Variants in HDAC9 observed in about 807,000 individuals in gnomAD.
HDAC9 encodes histone deacetylase 9.
A neutral mutation model predicts 139.4 loss-of-function variants in HDAC9; 41 were observed. The ratio of observed to expected loss-of-function variants is 0.29; its 90% CI spans 0.23 to 0.38. HDAC9 has a LOEUF of 0.38. HDAC9 is among the 10% of genes least tolerant of loss of function. The probability of loss-of-function intolerance (pLI) is 1.00; values close to 1 mark genes in which losing one functional copy is unlikely to be tolerated. For synonymous variants in HDAC9, 517 were observed against 476.2 expected, an observed-to-expected ratio of 1.09 and a Z score of -1.12; for missense variants, 1,147 against 1,297.0, an observed-to-expected ratio of 0.88 and a Z score of 1.78.
chr7:18,764,560 G>A (rs1053900522), intron 15 of HDAC9, among the ~76,000 whole-genome samples: 2 of 151,996 alleles, frequency 1.3e-5, no homozygotes, highest in Non-Finnish European at 2.9e-5. Context: ...CTTTTTAAAG[G>A]TTAACTTTTA....
At chr7:18,786,093 T>G (rs1372982226) in intron 16 of HDAC9, among the ~76,000 whole-genome samples, 1 of 152,164 alleles carries the variant, frequency 6.6e-6, no homozygotes, top group Non-Finnish European at 1.5e-5. Flanking sequence ...TCTCTATGTA[T>G]TTTCTGAATT....
chr7:18,738,025 G>C (rs1787087383), intron 13 of HDAC9, among the ~76,000 whole-genome samples: 1 of 152,122 alleles, frequency 6.6e-6, no homozygotes, highest in Admixed American at 6.6e-5. Context: ...GGTGTTCTTT[G>C]TCTCTTTTGA....
intron 3 of HDAC9, among the ~76,000 whole-genome samples, chr7:18,586,388 A>G (rs1829474136): frequency 6.6e-6 from 1 of 152,090 alleles, no homozygotes; most frequent in South Asian, 2.1e-4. Context: ...ATTTACAACA[A>G]AAATTTTATT....
At chr7:18,894,483 A>T (rs1270811666) in intron 22 of HDAC9, among the ~76,000 whole-genome samples, 1 of 152,100 alleles carries the variant, frequency 6.6e-6, no homozygotes, top group African/African-American at 2.4e-5. Flanking sequence ...TAAGATAAAA[A>T]CTGACCACTA....
chr7:18,280,039 T>G (rs968890296), intron 2 of HDAC9, among the ~76,000 whole-genome samples: 6 of 152,196 alleles, frequency 3.9e-5, no homozygotes, highest in Non-Finnish European at 8.8e-5. Context: ...GAAAATATAC[T>G]TATCCATTTA....
At chr7:18,870,118 C>G (rs1290330987) in intron 21 of HDAC9, among the ~76,000 whole-genome samples, 1 of 152,128 alleles carries the variant, frequency 6.6e-6, no homozygotes, top group Non-Finnish European at 1.5e-5. Flanking sequence ...ATATTAAAAA[C>G]TTACCTAATC....
At chr7:18,264,950 T>A (rs80009276) in intron 2 of HDAC9, among the ~76,000 whole-genome samples, 4 of 152,190 alleles carry the variant, frequency 2.6e-5, no homozygotes, top group Admixed American at 2.0e-4. Flanking sequence ...TGTTTTATTA[T>A]AGGCTTTAGT....
chr7:18,822,346 GT>G lies in HDAC9; in HGVS notation c.2323-6812del, dbSNP rs148899840. Among the ~76,000 whole-genome samples, 206 of 99,274 alleles carry G rather than the reference GT, an allele frequency of 2.1e-3. 1 individual carries two copies. The South Asian group carries it at 0.085, about 41-fold the overall frequency. The allele number at this position is 99,274 out of a possible 152,430, so 65.1% of individuals were successfully genotyped here. A position where few individuals can be genotyped will look rare whatever the true frequency, so the allele number is the denominator to read the frequency against. On this transcript the variant is annotated intron_variant, in intron 17 of 25. Transcript: ENST00000686413. ...GGGTTTGGTTTTTGTTTGTTTGTTTGTTTGTTGTTGTTGTTGTTGTTGTTTG... is the reference window on the plus strand; with the variant it reads ...GGGTTTGGTTTTTGTTTGTTTGTTTGTTGTTGTTGTTGTTGTTGTTGTTTG...
intron 1 of HDAC9, among the ~76,000 whole-genome samples, chr7:18,089,300 T>C (rs1781998871): frequency 6.6e-6 from 1 of 152,182 alleles, no homozygotes; most frequent in African/African-American, 2.4e-5. Flanking sequence ...ACCAGCACTC[T>C]GACTAGAGAG....
intron 10 of HDAC9, 66 bp downstream of exon 10, chr7:18,648,064 T>A: frequency 7.9e-7 from 1 of 1,272,450 alleles, no homozygotes; most frequent in South Asian, 1.4e-5. Flanking sequence ...TCCAGGATAA[T>A]GTCTCTTTTA....
chr7:18,613,449 G>T (rs186283790), intron 6 of HDAC9, among the ~76,000 whole-genome samples: 1 of 152,176 alleles, frequency 6.6e-6, no homozygotes, highest in East Asian at 1.9e-4. Context: ...GGAGCTCAGA[G>T]TCTGGTTCTA....
intron 6 of HDAC9, among the ~76,000 whole-genome samples, chr7:18,603,548 T>C (rs1467166785): frequency 1.3e-5 from 2 of 152,106 alleles, no homozygotes; most frequent in Non-Finnish European, 2.9e-5. Context: ...TATACCACTT[T>C]ACAGGTCATA....
rs1034808069 is a variant in HDAC9 at position 18,762,289 on chromosome 7, C to A, written c.2164+12C>A. The A allele has an allele frequency of 3.1e-6, 5 of 1,612,946 alleles. No homozygotes were observed. The African/African-American group carries it at 6.7e-5, about 22-fold the overall frequency. ...CAGGATACTCCTAGGTCTGTACGGG[C>A]CTCCACTGTACTGGGAACAGCACAT... On this transcript the variant is annotated intron_variant, in intron 15 of 25. Transcript: ENST00000686413.
intron 2 of HDAC9, among the ~76,000 whole-genome samples, chr7:18,217,446 G>A (rs1036473546): frequency 4.0e-5 from 6 of 151,690 alleles, no homozygotes; most frequent in Non-Finnish European, 8.8e-5. Flanking sequence ...GATATAGTTT[G>A]TTCACTTTTT....
At chr7:18,261,812 C>T (rs895200407) in intron 2 of HDAC9, among the ~76,000 whole-genome samples, 3 of 152,104 alleles carry the variant, frequency 2.0e-5, no homozygotes, top group Non-Finnish European at 1.5e-5. Flanking sequence ...AATAAATGGG[C>T]AAGGACACTT....
chr7:18,399,385 G>A (rs531390628), intron 1 of HDAC9, among the ~76,000 whole-genome samples: 4 of 152,190 alleles, frequency 2.6e-5, no homozygotes, highest in Non-Finnish European at 4.4e-5. Context: ...GTACAGTAAC[G>A]AAAAATTCTG....
At chr7:18,380,238 T>A (rs1785313057) in intron 1 of HDAC9, among the ~76,000 whole-genome samples, 1 of 152,150 alleles carries the variant, frequency 6.6e-6, no homozygotes, top group Admixed American at 6.5e-5. Context: ...AATTGATATA[T>A]AGTAAATAGG....
intron 22 of HDAC9, among the ~76,000 whole-genome samples, chr7:18,883,600 TAA>T (rs941662660): frequency 4.6e-5 from 7 of 151,852 alleles, no homozygotes; most frequent in Non-Finnish European, 8.8e-5. Flanking sequence ...GGTGAAAAAA[TAA>T]AAGTTTTTTT....
chr7:18,704,161 C>T lies in HDAC9; in HGVS notation c.1732-23419C>T, dbSNP rs559671633. On this transcript the variant is annotated intron_variant, in intron 12 of 25. Transcript: ENST00000686413. Reference sequence around the variant, plus strand: ...ATCAGGACCCAGTGGCACCCAGGCACTCTGGCCTGCCTGCAAAACATAGCC... The same window carrying T: ...ATCAGGACCCAGTGGCACCCAGGCATTCTGGCCTGCCTGCAAAACATAGCC... Among the ~76,000 whole-genome samples the T allele has an allele frequency of 4.1e-4, 62 of 152,356 alleles. 1 individual carries two copies. The South Asian group carries it at 7.5e-3, about 18-fold the overall frequency.
Sources: allele counts gnomAD v4.1 joint callset (sites outside exome capture counted in the v4.1 genomes callset), GRCh38; gene constraint gnomAD v4.1.1; transcripts MANE v1.5; gene names NCBI Gene and HGNC (gene_info 2026-07-23, HGNC 2026-07-21).